SLC44A5: variants seen among roughly 807,000 people sequenced by gnomAD.
SLC44A5 encodes the protein solute carrier family 44 member 5.
Under a neutral mutation model 101.8 loss-of-function variants are expected in SLC44A5, and 57 were observed. That is an observed-to-expected ratio of 0.56 (90% confidence interval 0.45 to 0.70). SLC44A5 has a LOEUF of 0.70. Ranked by LOEUF, SLC44A5 falls within the 30% of genes least tolerant of loss-of-function variation. The pLI is 0.00. For missense variants in SLC44A5, 737 were observed against 853.1 expected, an observed-to-expected ratio of 0.86 and a Z score of 1.70; for synonymous variants, 281 against 290.9, an observed-to-expected ratio of 0.97 and a Z score of 0.35.
intron 3 of SLC44A5, among the ~76,000 whole-genome samples, chr1:75,341,019 A>C (rs1325983231): frequency 1.3e-5 from 2 of 152,198 alleles, no homozygotes; most frequent in Non-Finnish European, 2.9e-5. Flanking sequence ...AACTAGTTCA[A>C]ATTGGTTATA....
At chr1:75,703,993 G>A in the SLC44A5 span, among the ~76,000 whole-genome samples, 1 of 151,986 alleles carries the variant, frequency 6.6e-6, no homozygotes, top group Non-Finnish European at 1.5e-5. Context: ...TTCAAGGCCA[G>A]CCTGGGCAAC....
At chr1:75,587,910 ACT>A (rs796127911) in intron 1 of SLC44A5, among the ~76,000 whole-genome samples, 4 of 150,402 alleles carry the variant, frequency 2.7e-5, no homozygotes, top group Admixed American at 1.3e-4. Context: ...CCCTGCTCTC[ACT>A]CTCTCTCTCT....
At chr1:75,395,636 A>T (rs17096810) in intron 3 of SLC44A5, among the ~76,000 whole-genome samples, 2,024 of 152,234 alleles carry the variant, frequency 0.013, 51 homozygotes, top group African/African-American at 0.047. Context: ...TACATGTATG[A>T]TCATATTTTC....
At chr1:75,352,647 G>C (rs894216229) in intron 3 of SLC44A5, among the ~76,000 whole-genome samples, 2 of 151,982 alleles carry the variant, frequency 1.3e-5, no homozygotes, top group East Asian at 1.9e-4. Context: ...ATGATGTCTT[G>C]ACAAAGATAT....
At chr1:75,429,754 G>T (rs938256046) in intron 2 of SLC44A5, among the ~76,000 whole-genome samples, 2 of 152,134 alleles carry the variant, frequency 1.3e-5, no homozygotes, top group South Asian at 2.1e-4. Context: ...ACACATGCCA[G>T]ATCTCGTGTG....
At chr1:75,570,865 CTCCTCATCCT>C (rs960613793) in intron 1 of SLC44A5, among the ~76,000 whole-genome samples, 2 of 152,106 alleles carry the variant, frequency 1.3e-5, no homozygotes, top group Admixed American at 6.5e-5. Context: ...AATTAAAGCC[CTCCTCATCCT>C]AGTAATTAGG....
chr1:75,416,132 C>A (rs975756807), intron 2 of SLC44A5, among the ~76,000 whole-genome samples: 1 of 152,178 alleles, frequency 6.6e-6, no homozygotes, highest in African/African-American at 2.4e-5. Context: ...GTCTTCATGG[C>A]AGCCCCTCTT....
intron 3 of SLC44A5, among the ~76,000 whole-genome samples, chr1:75,388,741 T>G (rs1557732874): frequency 1.3e-5 from 2 of 150,712 alleles, no homozygotes; most frequent in Non-Finnish European, 2.9e-5. Context: ...ATCGCTCCAC[T>G]GCACTCCAGC....
chr1:75,626,863 T>C, the SLC44A5 span, among the ~76,000 whole-genome samples: 1 of 152,144 alleles, frequency 6.6e-6, no homozygotes, highest in Non-Finnish European at 1.5e-5. Context: ...GCTTTTATAG[T>C]ACAGCATGAG....
intron 12 of SLC44A5, among the ~76,000 whole-genome samples, chr1:75,230,109 A>G (rs1647411499): frequency 6.6e-6 from 1 of 152,186 alleles, no homozygotes; most frequent in East Asian, 1.9e-4. Context: ...TTAGCTTATC[A>G]ATTAGTTTTT....
rs1289784537 is a variant in SLC44A5, at chr1:75,356,467, GAAAGA to G, written c.53-16842_53-16838del. ...AAAGTTCATAGAATAAGGATATAAA[GAAAGA>G]AAATTTTTTTGTACAGCTATTTATG... is the stretch of plus-strand genomic sequence containing the variant. On this transcript the variant is annotated intron_variant, in intron 3 of 23. Coordinates refer to ENST00000370859, the MANE Select transcript of SLC44A5 (RefSeq NM_001130058.2). Among the ~76,000 whole-genome samples, 5 of 151,644 alleles carry G rather than the reference GAAAGA, an allele frequency of 3.3e-5. No individual in the cohort carries two copies. In the East Asian group the frequency reaches 5.8e-4, roughly 18 times the overall value.
At chr1:75,320,290 A>G (rs1037578441) in intron 4 of SLC44A5, among the ~76,000 whole-genome samples, 8 of 152,162 alleles carry the variant, frequency 5.3e-5, no homozygotes, top group Admixed American at 2.6e-4. Flanking sequence ...AAAAGCAATC[A>G]AAGAAATTTA....
the SLC44A5 span, among the ~76,000 whole-genome samples, chr1:75,676,752 A>G: frequency 4.1e-4 from 62 of 152,312 alleles, no homozygotes; most frequent in African/African-American, 1.3e-3. Context: ...AAAGATATCA[A>G]TATCCAAGTA....
intron 23 of SLC44A5, chr1:75,205,909 G>A (rs1017168322): frequency 6.6e-6 from 1 of 152,098 alleles, no homozygotes; most frequent in African/African-American, 2.4e-5. Flanking sequence ...CATGGACAGA[G>A]GTTCATGTTG....
chr1:75,558,680 T>C (rs532143896), intron 1 of SLC44A5, among the ~76,000 whole-genome samples: 14 of 152,180 alleles, frequency 9.2e-5, no homozygotes, highest in African/African-American at 3.4e-4. Flanking sequence ...AACAACAACT[T>C]TGCGATATTT....
At chr1:75,612,798 G>A (rs1675711823), upstream of SLC44A5, among the ~76,000 whole-genome samples, 1 of 149,886 alleles carries the variant, frequency 6.7e-6, no homozygotes, top group African/African-American at 2.5e-5. Flanking sequence ...AGTCTTTGTT[G>A]TACTAATATT....
At chr1:75,330,385 G>T (rs1439418254) in intron 4 of SLC44A5, among the ~76,000 whole-genome samples, 2 of 151,708 alleles carry the variant, frequency 1.3e-5, no homozygotes, top group African/African-American at 2.4e-5. Context: ...AATTTATTGA[G>T]AAAATAAAAG....
chr1:75,362,623 T>C (rs1659572223), intron 3 of SLC44A5, among the ~76,000 whole-genome samples: 1 of 152,086 alleles, frequency 6.6e-6, no homozygotes, highest in African/African-American at 2.4e-5. Flanking sequence ...AATTCATTCT[T>C]TTATGATTTC....
chr1:75,689,263 A>G, the SLC44A5 span, among the ~76,000 whole-genome samples: 1 of 152,168 alleles, frequency 6.6e-6, no homozygotes, highest in African/African-American at 2.4e-5. Context: ...CTCAGATAAG[A>G]ATCCCATTCA....
Sources: allele counts gnomAD v4.1 joint callset (sites outside exome capture counted in the v4.1 genomes callset), GRCh38; gene constraint gnomAD v4.1.1; transcripts MANE v1.5; gene names NCBI Gene and HGNC (gene_info 2026-07-23, HGNC 2026-07-21).